The following PPP1R12B variants were observed in gnomAD, a reference collection of about 807,000 sequenced individuals.
The protein encoded by PPP1R12B is myosin phosphatase target subunit 2.
PPP1R12B carries 76 observed loss-of-function variants against 126.1 expected under a neutral mutation model. The observed-to-expected ratio is 0.60, with a 90% CI of 0.50 to 0.73. PPP1R12B has a LOEUF of 0.73. PPP1R12B is among the 30% of genes least tolerant of loss of function. The probability of loss-of-function intolerance (pLI) is 0.00; values close to 1 mark genes in which losing one functional copy is unlikely to be tolerated. For synonymous variants in PPP1R12B, 356 were observed against 434.7 expected, an observed-to-expected ratio of 0.82 and a Z score of 2.25; for missense variants, 1,052 against 1,205.1, an observed-to-expected ratio of 0.87 and a Z score of 1.88.
chr1:202,420,651 C>T (rs929685070), intron 2 of PPP1R12B, among the ~76,000 whole-genome samples: 8 of 152,102 alleles, frequency 5.3e-5, no homozygotes, highest in Non-Finnish European at 8.8e-5. Flanking sequence ...GGAGAGGAAT[C>T]AGAAGAGAGG....
chr1:202,475,230 C>A (rs187773048), intron 13 of PPP1R12B, among the ~76,000 whole-genome samples: 151 of 152,280 alleles, frequency 9.9e-4, no homozygotes, highest in African/African-American at 3.5e-3. Flanking sequence ...AAATTTACCT[C>A]ATAGGGTCCT....
chr1:202,436,646 G>T (rs1342398615), intron 9 of PPP1R12B, among the ~76,000 whole-genome samples: 2 of 152,018 alleles, frequency 1.3e-5, no homozygotes, highest in Non-Finnish European at 2.9e-5. Flanking sequence ...GGTCTATGAT[G>T]TTTCCCTAGT....
chr1:202,418,824 A>G (rs960248179), intron 2 of PPP1R12B, among the ~76,000 whole-genome samples: 5 of 152,138 alleles, frequency 3.3e-5, no homozygotes, highest in Admixed American at 1.3e-4. Context: ...GGAAAAAAAA[A>G]CATTGTTTGT....
At chr1:202,417,304 T>C in intron 2 of PPP1R12B, 1 of 985,278 alleles carries the variant, frequency 1.0e-6, no homozygotes, top group Non-Finnish European at 1.2e-6. Context: ...AAATCAGTGC[T>C]TAGTACAAAT....
chr1:202,564,394 G>C, intron 20 of PPP1R12B, 49 bp from the exon 21 acceptor site: 2 of 1,367,040 alleles, frequency 1.5e-6, no homozygotes, highest in South Asian at 1.2e-5. Flanking sequence ...TGATGAAATG[G>C]TGTGAGTTCT....
intron 23 of PPP1R12B, among the ~76,000 whole-genome samples, chr1:202,579,892 G>A (rs889318630): frequency 1.3e-5 from 2 of 152,216 alleles, no homozygotes; most frequent in African/African-American, 2.4e-5. Context: ...GATATGTATA[G>A]TATGACCAGT....
intron 1 of PPP1R12B, among the ~76,000 whole-genome samples, chr1:202,357,093 GTGTGAGCCACTGGGGATTACAGT>G (rs1657252502): frequency 6.6e-6 from 1 of 152,122 alleles, no homozygotes; most frequent in African/African-American, 2.4e-5. Flanking sequence ...AGGATTACAG[GTGTGAGCCACTGGGGATTACAGT>G]TGTGAGCCAC....
chr1:202,554,526 G>A (rs1453664586), intron 18 of PPP1R12B, among the ~76,000 whole-genome samples: 1 of 151,666 alleles, frequency 6.6e-6, no homozygotes, highest in African/African-American at 2.4e-5. Flanking sequence ...AGCCCCTGAA[G>A]GCAATAATAT....
chr1:202,433,571 A>G (rs1017758245), intron 8 of PPP1R12B, among the ~76,000 whole-genome samples: 9 of 152,220 alleles, frequency 5.9e-5, no homozygotes, highest in African/African-American at 1.9e-4. Context: ...AGATAAGGAC[A>G]TATTTTGGCC....
chr1:202,459,066 T>C (rs753108618), intron 13 of PPP1R12B, among the ~76,000 whole-genome samples: 4 of 152,194 alleles, frequency 2.6e-5, no homozygotes, highest in Non-Finnish European at 5.9e-5. Context: ...TGCATACCAA[T>C]TGGCCAATGA....
At chr1:202,488,852 T>G (rs1047476150) in intron 14 of PPP1R12B, among the ~76,000 whole-genome samples, 5 of 152,168 alleles carry the variant, frequency 3.3e-5, no homozygotes, top group Non-Finnish European at 7.3e-5. Flanking sequence ...AAGACCAGCC[T>G]GGCCAACGTG....
At chr1:202,461,932 C>T (rs1346125436) in intron 13 of PPP1R12B, among the ~76,000 whole-genome samples, 1 of 152,124 alleles carries the variant, frequency 6.6e-6, no homozygotes, top group Non-Finnish European at 1.5e-5. Flanking sequence ...GCCTGGGCCT[C>T]CTATCCCAGT....
chr1:202,393,050 A>C (rs2148529514), intron 1 of PPP1R12B, among the ~76,000 whole-genome samples: 1 of 152,212 alleles, frequency 6.6e-6, no homozygotes, highest in Admixed American at 6.5e-5. Flanking sequence ...GGTTAAAGGG[A>C]TTCTCGTGCC....
chr1:202,349,065 G>T lies in PPP1R12B; in HGVS notation c.214G>T (p.Asp72Tyr), dbSNP rs762911921. 4 of 1,614,112 alleles carry T rather than the reference G, an allele frequency of 2.5e-6. No homozygotes were observed. Among genetic ancestry groups the T allele is most frequent in the Non-Finnish European group, 3.4e-6 (4 of 1,180,034 alleles). Residue 72 changes from aspartate to tyrosine, a missense_variant, in exon 1 of 24, where the codon GAC becomes TAC. By Grantham distance (160) the Asp-to-Tyr change is radical. Transcript: ENST00000608999. The stretch of plus-strand genomic sequence containing the variant: ...GGCCGCCTGCTCTAGCGGGGACACC[G>T]ACGAGGTGAGAAAGCTTCTGGCAAG... ...FLAACSSGDT[D>Y]EVRKLLARGA...
Position 202,584,842 on chromosome 1 carries a change from G to A in PPP1R12B, c.*4282G>A, listed in dbSNP as rs1243175547. Reference sequence around the variant, plus strand: ...TACCAGATGAGCCACTGGTTCCACTGGAGCTTATCAGTGAAGTAACACTGC... The same window carrying A: ...TACCAGATGAGCCACTGGTTCCACTAGAGCTTATCAGTGAAGTAACACTGC... On this transcript the variant is annotated 3_prime_UTR_variant, in exon 24 of 24. Coordinates refer to ENST00000608999, the MANE Select transcript of PPP1R12B (RefSeq NM_002481.4). 1.3e-5 allele frequency: 2 copies of A among 152,218 alleles called. No individual in the cohort carries two copies. The highest frequency in any genetic ancestry group is 4.8e-5 in the African/African-American group (2 of 41,448). The allele number at this position is 152,218 out of a possible 1,614,324, so 9.4% of individuals were successfully genotyped here.
chr1:202,516,490 T>A (rs1307857075), intron 18 of PPP1R12B, among the ~76,000 whole-genome samples: 2 of 152,134 alleles, frequency 1.3e-5, no homozygotes, highest in Non-Finnish European at 2.9e-5. Flanking sequence ...GGAGTGGGGC[T>A]GGGGAGCATG....
chr1:202,554,765 C>G (rs767218405), intron 18 of PPP1R12B, among the ~76,000 whole-genome samples: 2 of 151,570 alleles, frequency 1.3e-5, no homozygotes, highest in East Asian at 2.0e-4. Context: ...TGTTAACAAG[C>G]CTTTAAAAGC....
At chr1:202,477,152 A>G (rs1676776445) in intron 13 of PPP1R12B, among the ~76,000 whole-genome samples, 1 of 152,208 alleles carries the variant, frequency 6.6e-6, no homozygotes, top group Non-Finnish European at 1.5e-5. Context: ...AGCTTTTAAT[A>G]TGACAATGAA....
intron 17 of PPP1R12B, among the ~76,000 whole-genome samples, chr1:202,496,197 T>C (rs1030908885): frequency 6.6e-6 from 1 of 152,240 alleles, no homozygotes; most frequent in African/African-American, 2.4e-5. Context: ...TAGATGAACT[T>C]TGGCTTTAAA....
Sources: allele counts gnomAD v4.1 joint callset (sites outside exome capture counted in the v4.1 genomes callset), GRCh38; gene constraint gnomAD v4.1.1; transcripts MANE v1.5; gene names NCBI Gene and HGNC (gene_info 2026-07-23, HGNC 2026-07-21).